MSI2: variants seen among roughly 807,000 people sequenced by gnomAD.
MSI2 encodes the protein RNA-binding protein Musashi homolog 2.
A neutral mutation model predicts 45.6 loss-of-function variants in MSI2; 17 were observed. The observed-to-expected ratio is 0.37, with a 90% CI of 0.26 to 0.56. The LOEUF (loss-of-function observed/expected upper bound fraction) is 0.56, where lower values mean the gene tolerates loss of function less well. Ranked by LOEUF, MSI2 falls within the 20% of genes least tolerant of loss-of-function variation. The pLI is 0.77. For missense variants in MSI2, 293 were observed against 444.2 expected, an observed-to-expected ratio of 0.66 and a Z score of 3.06; for synonymous variants, 156 against 158.2, an observed-to-expected ratio of 0.99 and a Z score of 0.11.
At chr17:57,697,135 G>T in the MSI2 span, among the ~76,000 whole-genome samples, 1 of 26,824 alleles carries the variant, frequency 3.7e-5, no homozygotes, top group East Asian at 1.3e-3. Flanking sequence ...CTTCATCCTC[G>T]CCAGCAGGAC....
At chr17:57,556,539 G>A (rs1022069819) in intron 7 of MSI2, among the ~76,000 whole-genome samples, 22 of 152,178 alleles carry the variant, frequency 1.4e-4, no homozygotes, top group African/African-American at 4.6e-4. Flanking sequence ...AGGTCAGGGC[G>A]TCCAGTGACA....
chr17:57,629,456 T>A (rs2144614329), intron 10 of MSI2: 1 of 152,196 alleles, frequency 6.6e-6, no homozygotes, highest in East Asian at 1.9e-4. Flanking sequence ...TAAGAAGAAG[T>A]AAAAAGAAAA....
chr17:57,659,528 G>A (rs1021757879), intron 11 of MSI2, among the ~76,000 whole-genome samples: 2 of 152,130 alleles, frequency 1.3e-5, no homozygotes, highest in African/African-American at 4.8e-5. Context: ...TGAGAAAGCT[G>A]GGCTACAGAA....
At position 57,280,056 on chromosome 17, in the gene MSI2, C is replaced by G; in HGVS notation, c.312+17864C>G. On this transcript the variant is annotated intron_variant, in intron 5 of 13. Transcript: ENST00000284073. The surrounding 1 kb of genome is among the most constrained non-coding windows in gnomAD (Gnocchi z 4.2). ...CAGTGTCCTTTGGGTTTTGGGAAGG[C>G]TTCCTGGAGAAATAACGTTGAGGCT... is the stretch of plus-strand genomic sequence containing the variant. 2 of 149,422 alleles carry G rather than the reference C, an allele frequency of 1.3e-5. No homozygotes were observed. The highest frequency in any genetic ancestry group is 3.9e-4 in the East Asian group (2 of 5,162). 9.3% of individuals were successfully genotyped at this position (149,422 alleles called of 1,614,324 possible). A position where few individuals can be genotyped will look rare whatever the true frequency, so the allele number is the denominator to read the frequency against.
At chr17:57,621,505 T>C (rs779762721) in intron 9 of MSI2, among the ~76,000 whole-genome samples, 1 of 152,210 alleles carries the variant, frequency 6.6e-6, no homozygotes, top group Non-Finnish European at 1.5e-5. Context: ...ATGCTGAAAA[T>C]GCAGCAGAAA....
At chr17:57,495,675 T>C (rs1270210889) in intron 6 of MSI2, among the ~76,000 whole-genome samples, 1 of 152,106 alleles carries the variant, frequency 6.6e-6, no homozygotes, top group Non-Finnish European at 1.5e-5. Context: ...TCAACCTTTG[T>C]GGCATTGATT....
At chr17:57,432,086 C>T (rs1170209237) in intron 6 of MSI2, among the ~76,000 whole-genome samples, 1 of 152,152 alleles carries the variant, frequency 6.6e-6, no homozygotes, top group African/African-American at 2.4e-5. Context: ...TGTCGCACTT[C>T]ATAACCCTTC....
intron 5 of MSI2, among the ~76,000 whole-genome samples, chr17:57,338,091 G>GT (rs1914822916): frequency 6.6e-6 from 1 of 151,988 alleles, no homozygotes; most frequent in African/African-American, 2.4e-5. Context: ...GTTTTATTTT[G>GT]TTTTTTATTT....
chr17:57,458,639 C>CT (rs1195099234), intron 6 of MSI2, among the ~76,000 whole-genome samples: 1 of 152,204 alleles, frequency 6.6e-6, no homozygotes, highest in Non-Finnish European at 1.5e-5. Context: ...CTCTAATACT[C>CT]TCTGTGTTCC....
intron 5 of MSI2, among the ~76,000 whole-genome samples, chr17:57,390,981 T>G (rs2083780138): frequency 6.6e-6 from 1 of 152,356 alleles, no homozygotes; most frequent in African/African-American, 2.4e-5. Context: ...TATTTACTTC[T>G]GTTTACAGGG....
intron 10 of MSI2, among the ~76,000 whole-genome samples, chr17:57,647,737 C>A (rs1413910011): frequency 1.3e-5 from 2 of 151,682 alleles, no homozygotes; most frequent in African/African-American, 4.8e-5. Context: ...CTCTGCCTCC[C>A]AGGTTCAAGC....
intron 8 of MSI2, among the ~76,000 whole-genome samples, chr17:57,604,678 G>T (rs1004229953): frequency 6.6e-6 from 1 of 152,210 alleles, no homozygotes; most frequent in South Asian, 2.1e-4. Flanking sequence ...TCAGCCCAGG[G>T]CATACCTGGG....
chr17:57,404,899 G>A (rs1338429028), intron 6 of MSI2, among the ~76,000 whole-genome samples: 1 of 152,146 alleles, frequency 6.6e-6, no homozygotes, highest in Admixed American at 6.5e-5. Context: ...GGTTAGAGAT[G>A]TTGTTACTTG....
At chr17:57,411,339 C>T (rs2084192750) in intron 6 of MSI2, among the ~76,000 whole-genome samples, 1 of 152,190 alleles carries the variant, frequency 6.6e-6, no homozygotes, top group Admixed American at 6.5e-5. Context: ...CAACCCATTT[C>T]TTTTATCAAC....
In MSI2 at chr17:57,466,389, A is replaced by G. The variant is rs73991829; in HGVS notation, c.406-63287A>G. The stretch of plus-strand genomic sequence containing the variant: ...AGCAGCCGGTCTTTTGTATGCAAAT[A>G]TGACCTAAAGCTGTATGGGAGGCGG... On this transcript the variant is annotated intron_variant, in intron 6 of 13. Coordinates refer to ENST00000284073, the MANE Select transcript of MSI2 (RefSeq NM_138962.4). 8.9e-3 allele frequency among the ~76,000 whole-genome samples: 1,363 copies of G among 152,328 alleles called. 17 individuals carry two copies. The highest frequency in any genetic ancestry group is 0.031 in the African/African-American group (1,300 of 41,568).
intron 8 of MSI2, among the ~76,000 whole-genome samples, chr17:57,602,212 T>A (rs73314703): frequency 1.6e-3 from 243 of 152,134 alleles, no homozygotes; most frequent in Middle Eastern, 0.01. Context: ...ATTTTTTTTT[T>A]AATTTTTTTT....
intron 6 of MSI2, among the ~76,000 whole-genome samples, chr17:57,504,855 T>G (rs1458635271): frequency 6.6e-6 from 1 of 150,824 alleles, no homozygotes; most frequent in African/African-American, 2.4e-5. Context: ...TGCTTGAATC[T>G]GGGAGGCGGA....
At chr17:57,497,395 C>G (rs182613088) in intron 6 of MSI2, among the ~76,000 whole-genome samples, 32 of 152,320 alleles carry the variant, frequency 2.1e-4, no homozygotes, top group African/African-American at 7.2e-4. Context: ...GGAAAGGGAA[C>G]AGGACTTTGG....
intron 10 of MSI2, chr17:57,629,440 G>T (rs1296795696): frequency 6.6e-6 from 1 of 152,148 alleles, no homozygotes; most frequent in African/African-American, 2.4e-5. Flanking sequence ...AAAATAAGAA[G>T]AAGAATAAGA....
Sources: gnomAD v4.1 joint callset for allele counts (sites outside exome capture counted in the v4.1 genomes callset) on GRCh38, gnomAD v4.1.1 for gene constraint, Gnocchi (gnomAD v3.1) non-coding constraint, MANE v1.5 for transcripts, NCBI Gene and HGNC (gene_info 2026-07-23, HGNC 2026-07-21) for gene names.